MMP17: variants seen among roughly 807,000 people sequenced by gnomAD.
MMP17 encodes the protein matrix metalloproteinase-17.
MMP17 carries 54 observed loss-of-function variants against 49.1 expected under a neutral mutation model. The ratio of observed to expected loss-of-function variants is 1.10; its 90% CI spans 0.88 to 1.38. MMP17 has a LOEUF of 1.38. Ranked by LOEUF, MMP17 falls within the 40% of genes most tolerant of loss-of-function variation. The probability of loss-of-function intolerance (pLI) is 0.00; values close to 1 mark genes in which losing one functional copy is unlikely to be tolerated. For missense variants in MMP17, 837 were observed against 853.7 expected (o/e 0.98, Z 0.24); for synonymous variants, 397 against 383.1 (o/e 1.04, Z -0.42).
chr12:131,830,201 T>G (rs926201803), intron 1 of MMP17, among the ~76,000 whole-genome samples: 1 of 152,106 alleles, frequency 6.6e-6, no homozygotes, highest in Non-Finnish European at 1.5e-5. Context: ...GGTTTGGAAG[T>G]TTCTCGCCAC....
At chr12:131,837,639 G>T (rs945758852) in intron 1 of MMP17, among the ~76,000 whole-genome samples, 2 of 152,260 alleles carry the variant, frequency 1.3e-5, no homozygotes, top group African/African-American at 4.8e-5. Context: ...GTGGGGTGGG[G>T]CAGGGTTGCC....
chr12:131,828,686 C>T, intron 1 of MMP17, 33 bp downstream of exon 1: 1 of 284,646 alleles, frequency 3.5e-6, no homozygotes, highest in Non-Finnish European at 5.8e-6. Context: ...CGCGGAGCTC[C>T]TGGGCCGGAG....
rs551979064 is a variant in MMP17 at position 131,846,839 on chromosome 12, C to T, written c.1204+1390C>T. On this transcript the variant is annotated intron_variant, in intron 8 of 9. Transcript: ENST00000360564. The surrounding 1 kb of genome is among the most constrained non-coding windows in gnomAD (Gnocchi z 4.6). ...CACGGGCGGGACCCCGTTTCCTTGC[C>T]GAGGTAAAGGGTGTTCTGCGTGTCT... is the stretch of plus-strand genomic sequence containing the variant. Among the ~76,000 whole-genome samples the T allele has an allele frequency of 1.2e-4, 18 of 152,132 alleles. No homozygotes were observed. The highest frequency in any genetic ancestry group is 1.8e-4 in the Non-Finnish European group (12 of 68,026).
rs781599310 is a variant in MMP17, at chr12:131,850,915, C to G, written c.1463-10C>G. The stretch of plus-strand genomic sequence containing the variant: ...CCTCCCCTGAGCTCAGCTCTCCCTC[C>G]TCTTCTCAGGTGCCTCCTACTTCTT... On this transcript the variant is annotated splice_polypyrimidine_tract_variant and intron_variant, in intron 9 of 9. Coordinates refer to ENST00000360564, the MANE Select transcript of MMP17 (RefSeq NM_016155.7). 14 of 1,465,348 alleles carry G rather than the reference C, an allele frequency of 9.6e-6. No homozygotes were observed. The highest frequency in any genetic ancestry group is 3.7e-4 in the Middle Eastern group (2 of 5,462). 90.8% of individuals were successfully genotyped at this position (1,465,348 alleles called of 1,614,324 possible).
chr12:131,842,770 CA>C (rs573817678), intron 5 of MMP17, among the ~76,000 whole-genome samples: 534 of 132,778 alleles, frequency 4.0e-3, no homozygotes, highest in Non-Finnish European at 4.6e-3. Flanking sequence ...GAGACTGCCT[CA>C]AAAAAAAAAA....
At position 131,840,624 on chromosome 12, in the gene MMP17, A is replaced by G. The variant is rs1273952961; in HGVS notation, c.474A>G (p.Ala158=). The stretch of plus-strand genomic sequence containing the variant: ...CACTGGGGCACGACACGGTGCGTGC[A>G]CTCATGTACTACGCCCTCAAGGTCT... The part of the protein sequence containing the change: ...DSPLGHDTVR[A]LMYYALKVWS... Residue 158 remains alanine (A), a synonymous_variant, in exon 4 of 10, where the codon GCA becomes GCG. Transcript: ENST00000360564. The G allele has an allele frequency of 1.9e-6, 3 of 1,608,768 alleles. No homozygotes were observed. The highest frequency in any genetic ancestry group is 2.5e-6 in the Non-Finnish European group (3 of 1,179,496).
intron 8 of MMP17, among the ~76,000 whole-genome samples, chr12:131,847,721 C>T (rs1369452758): frequency 6.6e-6 from 1 of 152,264 alleles, no homozygotes; most frequent in Non-Finnish European, 1.5e-5. Flanking sequence ...CCCCGAGCCG[C>T]CCTGCCTGGT....
intron 7 of MMP17, 37 bp from the exon 8 acceptor site, chr12:131,845,260 C>A (rs183436532): frequency 1.9e-6 from 3 of 1,613,638 alleles, no homozygotes; most frequent in South Asian, 1.1e-5. Flanking sequence ...GGGTGCAGAC[C>A]GTCTCTGCAG....
intron 6 of MMP17, chr12:131,844,428 GC>G: frequency 5.8e-6 from 2 of 347,714 alleles, no homozygotes; most frequent in East Asian, 8.0e-5. Flanking sequence ...TCTGGCCTGT[GC>G]CCCCAGCGGG....
Position 131,841,691 on chromosome 12 carries a change from T to C in MMP17, c.774T>C (p.His258=). The change falls in exon 5 of 10, where the codon CAT becomes CAC. Residue 258 remains histidine, a synonymous_variant. Transcript: ENST00000360564. The part of the protein sequence containing the change: ...HEFGHAIGLS[H]VAAAHSIMRP... ...TTGGCCACGCCATTGGGTTAAGCCA[T>C]GTGGCCGCTGCACACTCCATCATGC... 1 of 1,614,036 alleles carries C rather than the reference T, an allele frequency of 6.2e-7. No individual in the cohort carries two copies. Among genetic ancestry groups the C allele is most frequent in the Non-Finnish European group, 8.5e-7 (1 of 1,179,992 alleles).
chr12:131,841,516 C>A, intron 4 of MMP17, 108 bp from the exon 5 acceptor site: 1 of 1,164,236 alleles, frequency 8.6e-7, no homozygotes, highest in Non-Finnish European at 1.3e-6. Flanking sequence ...CAGCCGGCAT[C>A]GAGGCATCCC....
At chr12:131,836,494 A>G (rs1189231496) in intron 1 of MMP17, among the ~76,000 whole-genome samples, 2 of 138,126 alleles carry the variant, frequency 1.4e-5, no homozygotes, top group South Asian at 2.3e-4. Context: ...TTTTTTTAGG[A>G]TTTCTTTAAA....
intron 9 of MMP17, 48 bp from the exon 10 acceptor site, chr12:131,850,877 C>T: frequency 7.2e-7 from 1 of 1,389,104 alleles, no homozygotes; most frequent in Non-Finnish European, 9.5e-7. Context: ...GCTCGAGCCC[C>T]TCCTGCTGCA....
intron 1 of MMP17, among the ~76,000 whole-genome samples, chr12:131,833,605 G>A (rs1331862056): frequency 6.6e-6 from 1 of 152,260 alleles, no homozygotes; most frequent in Non-Finnish European, 1.5e-5. Context: ...CTCCATCACT[G>A]ACCGTGTGCT....
chr12:131,840,320 G>C (rs1566087008), intron 3 of MMP17: 1 of 482,342 alleles, frequency 2.1e-6, no homozygotes, highest in East Asian at 3.2e-5. Context: ...CCACGCGGGA[G>C]CTGACGTTTG....
chr12:131,851,238 C>A lies in MMP17; in HGVS notation c.1776C>A (p.Gly592=). ...TGCTGCTGCCGCCACTGTCACCAGGCGCCCTGTGGACAGCGGCCCAGGCCC... is the reference window on the plus strand; with the variant it reads ...TGCTGCTGCCGCCACTGTCACCAGGAGCCCTGTGGACAGCGGCCCAGGCCC... ...MLLLLPPLSP[G]ALWTAAQALT... The change falls in exon 10 of 10, where the codon GGC becomes GGA. Residue 592 remains glycine, a synonymous_variant. Coordinates refer to ENST00000360564, the MANE Select transcript of MMP17 (RefSeq NM_016155.7). 6.9e-7 allele frequency: 1 copy of A among 1,449,716 alleles called. No individual in the cohort carries two copies. The highest frequency in any genetic ancestry group is 9.1e-7 in the Non-Finnish European group (1 of 1,098,662). 89.8% of individuals were successfully genotyped at this position (1,449,716 alleles called of 1,614,324 possible).
rs896592865 is a variant in MMP17, at chr12:131,838,304, G to A, written c.269G>A (p.Gly90Asp). ...ATCACAGCCATGCAGCAGTTTGGTG[G>A]CCTGGAGGCCACCGGCATCCTGGGT... ...KAITAMQQFG[G>D]LEATGILDEA... The change falls in exon 2 of 10, where the codon GGC becomes GAC. Residue 90 changes from glycine (G) to aspartate (D), a missense_variant. Coordinates refer to ENST00000360564, the MANE Select transcript of MMP17 (RefSeq NM_016155.7). 1 of 1,613,102 alleles carries A rather than the reference G, an allele frequency of 6.2e-7. No homozygotes were observed. Among genetic ancestry groups the A allele is most frequent in the African/African-American group, 1.3e-5 (1 of 75,064 alleles).
intron 1 of MMP17, among the ~76,000 whole-genome samples, chr12:131,837,072 C>G (rs1385596824): frequency 6.6e-6 from 1 of 152,232 alleles, no homozygotes; most frequent in Admixed American, 6.5e-5. Context: ...CTACTCAGCT[C>G]CGGTGTGGGT....
rs1239946030 is a variant in MMP17, at chr12:131,846,357, G to T, written c.1204+908G>T. 6.6e-6 allele frequency among the ~76,000 whole-genome samples: 1 copy of T among 152,036 alleles called. No homozygotes were observed. The highest frequency in any genetic ancestry group is 1.5e-5 in the Non-Finnish European group (1 of 68,008). ...GCCGGGCCTTGATTCAGGTCCCCTA[G>T]TCCTGTTTGTTTTTTGTTTTTTGTT... On this transcript the variant is annotated intron_variant, in intron 8 of 9. Transcript: ENST00000360564. This position sits in a 1 kb window ranked among gnomAD's most constrained non-coding sequence, Gnocchi z 4.6.
Sources: gnomAD v4.1 joint callset for allele counts (sites outside exome capture counted in the v4.1 genomes callset) on GRCh38, gnomAD v4.1.1 for gene constraint, Gnocchi (gnomAD v3.1) non-coding constraint, MANE v1.5 for transcripts, NCBI Gene and HGNC (gene_info 2026-07-23, HGNC 2026-07-21) for gene names.